The following SEC31B variants were observed in gnomAD, a reference collection of about 807,000 sequenced individuals.
SEC31B encodes the protein SEC31 homolog B, COPII component, also known as protein transport protein Sec31B.
In SEC31B, 113 loss-of-function variants were observed where a neutral mutation model predicts 135.0. The observed-to-expected ratio is 0.84, with a 90% CI of 0.72 to 0.98. The LOEUF is 0.98. SEC31B is among the 50% of genes least tolerant of loss of function. SEC31B has a pLI of 0.00. For missense variants in SEC31B, 1,296 were observed against 1,421.1 expected (o/e 0.91, Z 1.42); for synonymous variants, 508 against 549.4 (o/e 0.92, Z 1.05).
In SEC31B at chr10:100,489,420, C is replaced by T. The variant is rs368937106; in HGVS notation, c.3025-22G>A. On this transcript the variant is annotated intron_variant, in intron 22 of 25. Coordinates refer to ENST00000370345, the MANE Select transcript of SEC31B (RefSeq NM_015490.4). ...GCAGCTAAAGAGACAGAAGGAAAGACATGAGTCTAACCTGAGAGACTCCAT... is the reference window on the plus strand; with the variant it reads ...GCAGCTAAAGAGACAGAAGGAAAGATATGAGTCTAACCTGAGAGACTCCAT... 18 of 1,612,360 alleles carry T rather than the reference C, an allele frequency of 1.1e-5. No homozygotes were observed. The African/African-American group carries it at 1.7e-4, about 16-fold the overall frequency.
intron 3 of SEC31B, among the ~76,000 whole-genome samples, chr10:100,513,974 C>T (rs1488458297): frequency 6.6e-6 from 1 of 151,792 alleles, no homozygotes; most frequent in Non-Finnish European, 1.5e-5. Context: ...CACCTGAGGT[C>T]AGGAGTTCGA....
At chr10:100,508,938 G>A in intron 5 of SEC31B, 69 bp downstream of exon 5, 5 of 1,280,996 alleles carry the variant, frequency 3.9e-6, no homozygotes, top group Non-Finnish European at 5.7e-6. Context: ...ATTGGCTCCA[G>A]AACTCAAGAC....
intron 19 of SEC31B, among the ~76,000 whole-genome samples, chr10:100,492,412 G>T (rs1022061933): frequency 4.6e-5 from 7 of 152,032 alleles, no homozygotes; most frequent in African/African-American, 1.7e-4. Context: ...TAGTAGAGAT[G>T]GGGTCTCACC....
At chr10:100,504,837 G>C (rs1851594490) in intron 10 of SEC31B, among the ~76,000 whole-genome samples, 1 of 151,780 alleles carries the variant, frequency 6.6e-6, no homozygotes, top group Non-Finnish European at 1.5e-5. Flanking sequence ...AGCAGAGACA[G>C]GAAGAGTTGA....
intron 19 of SEC31B, among the ~76,000 whole-genome samples, chr10:100,491,893 C>T (rs1274663329): frequency 3.3e-5 from 5 of 152,230 alleles, no homozygotes; most frequent in Non-Finnish European, 5.9e-5. Context: ...TTCTCTTGCA[C>T]ATCTGCTATC....
intron 19 of SEC31B, 167 bp downstream of exon 19, chr10:100,495,218 A>G (rs1224508733): frequency 4.3e-6 from 3 of 701,850 alleles, no homozygotes; most frequent in Non-Finnish European, 7.3e-6. Flanking sequence ...ATGTCCTAAG[A>G]GCCTAGTAGT....
intron 5 of SEC31B, chr10:100,508,610 C>A (rs547100982): frequency 1.2e-4 from 53 of 426,662 alleles, no homozygotes; most frequent in East Asian, 2.7e-4. Context: ...AAAGCTGACC[C>A]CCCCCTCCAT....
intron 7 of SEC31B, 45 bp from the exon 8 acceptor site, chr10:100,506,465 C>T: frequency 1.3e-6 from 2 of 1,568,896 alleles, no homozygotes; most frequent in Non-Finnish European, 1.8e-6. Flanking sequence ...TGAATGCCTA[C>T]TATGAGTAGG....
In SEC31B at chr10:100,509,509, A is replaced by AACCT. The variant is rs1851700088; in HGVS notation, c.204-2_205dup (p.Phe69Ter). On this transcript the variant is annotated stop_gained and frameshift_variant and splice_region_variant, in exon 4 of 26. Coordinates refer to ENST00000370345, the MANE Select transcript of SEC31B (RefSeq NM_015490.4). LOFTEE classifies it high-confidence loss of function. The stretch of plus-strand genomic sequence containing the variant: ...AAAGCTCCCCCAGACCAGCTTGTGA[A>AACCT]ACCTATAAAGAGGAGGAACTGGCAT... 1 of 1,610,122 alleles carries AACCT rather than the reference A, an allele frequency of 6.2e-7. No homozygotes were observed. Among genetic ancestry groups the AACCT allele is most frequent in the Non-Finnish European group, 8.5e-7 (1 of 1,177,608 alleles).
rs2970 is a variant in SEC31B, at chr10:100,486,755, C to T, written c.*861G>A. The T allele has an allele frequency of 0.26, 39,885 of 152,126 alleles. 6,200 individuals carry two copies. The highest frequency in any genetic ancestry group is 0.39 in the East Asian group (2,012 of 5,148). The allele number at this position is 152,126 out of a possible 1,614,324, so 9.4% of individuals were successfully genotyped here. A position where few individuals can be genotyped will look rare whatever the true frequency, so the allele number is the denominator to read the frequency against. The stretch of plus-strand genomic sequence containing the variant: ...GTAGCCCTGAGACATGTGGTGGCTG[C>T]GAGGGAGAAGGACCCCCAACCCTTG... On this transcript the variant is annotated 3_prime_UTR_variant, in exon 26 of 26. Transcript: ENST00000370345.
intron 18 of SEC31B, among the ~76,000 whole-genome samples, chr10:100,495,920 A>G (rs1444859535): frequency 6.6e-6 from 1 of 152,054 alleles, no homozygotes; most frequent in Non-Finnish European, 1.5e-5. Flanking sequence ...CCTCCTTGCT[A>G]TTCTTTCTGC....
At chr10:100,517,154 C>T in intron 1 of SEC31B, 157 bp from the exon 2 acceptor site, 1 of 582,886 alleles carries the variant, frequency 1.7e-6, no homozygotes, top group South Asian at 2.0e-5. Flanking sequence ...AGTTCATTCA[C>T]CCAATTACTG....
chr10:100,508,592 G>C, intron 5 of SEC31B: 1 of 446,814 alleles, frequency 2.2e-6, no homozygotes, highest in Non-Finnish European at 4.4e-6. Context: ...GCCACATACA[G>C]GGAGAACAAA....
intron 19 of SEC31B, among the ~76,000 whole-genome samples, chr10:100,493,369 T>A (rs1182181310): frequency 7.2e-6 from 1 of 139,228 alleles, no homozygotes; most frequent in African/African-American, 3.1e-5. Flanking sequence ...CAAGACTCCA[T>A]CTCAAAAAAA....
chr10:100,515,277 G>A (rs1851809202), intron 3 of SEC31B, among the ~76,000 whole-genome samples: 1 of 152,210 alleles, frequency 6.6e-6, no homozygotes, highest in South Asian at 2.1e-4. Context: ...GGGCGACAGA[G>A]TAAGACCCTG....
intron 20 of SEC31B, 92 bp downstream of exon 20, chr10:100,490,614 A>G: frequency 7.8e-7 from 1 of 1,282,484 alleles, no homozygotes; most frequent in Non-Finnish European, 1.0e-6. Context: ...CACTAGACAG[A>G]CATACAGCTT....
chr10:100,508,592 G>A (rs1851677176), intron 5 of SEC31B: 1 of 446,814 alleles, frequency 2.2e-6, no homozygotes, highest in Non-Finnish European at 4.4e-6. Context: ...GCCACATACA[G>A]GGAGAACAAA....
In SEC31B at chr10:100,507,712, GGAATGGCA is replaced by G. The variant is rs1337121592; in HGVS notation, c.640-153_640-146del. ...GAGAGTGATGGCCAGGAATAAGTAAGGAATGGCAGAAGCTTCCAGATCAGCTCTGTTTA... is the reference window on the plus strand; with the variant it reads ...GAGAGTGATGGCCAGGAATAAGTAAGGAAGCTTCCAGATCAGCTCTGTTTA... On this transcript the variant is annotated intron_variant, in intron 6 of 25. Transcript: ENST00000370345. The G allele has an allele frequency of 6.2e-6, 8 of 1,298,704 alleles. No homozygotes were observed. The Admixed American group carries it at 1.2e-4, about 20-fold the overall frequency. The allele number at this position is 1,298,704 out of a possible 1,614,324, so 80.4% of individuals were successfully genotyped here.
At chr10:100,493,973 G>A (rs1810365552) in intron 19 of SEC31B, among the ~76,000 whole-genome samples, 1 of 151,474 alleles carries the variant, frequency 6.6e-6, no homozygotes, top group African/African-American at 2.4e-5. Flanking sequence ...GAGGAGAGGA[G>A]GGGAAGGGGA....
Sources: allele counts gnomAD v4.1 joint callset (sites outside exome capture counted in the v4.1 genomes callset), GRCh38; gene constraint gnomAD v4.1.1; transcripts MANE v1.5; gene names NCBI Gene and HGNC (gene_info 2026-07-23, HGNC 2026-07-21).